The following TASP1 variants were observed in gnomAD, a reference collection of about 807,000 sequenced individuals.
TASP1 encodes the protein taspase 1, also known as threonine aspartase 1.
Under a neutral mutation model 56.6 loss-of-function variants are expected in TASP1, and 16 were observed. The observed-to-expected ratio is 0.28, with a 90% CI of 0.19 to 0.43. The LOEUF (loss-of-function observed/expected upper bound fraction) is 0.43, where lower values mean the gene tolerates loss of function less well. Among genes scored for constraint, TASP1 ranks in the 20% least tolerant of loss-of-function variants. TASP1 has a pLI of 1.00. For missense variants in TASP1, 393 were observed against 511.6 expected (o/e 0.77, Z 2.24); for synonymous variants, 179 against 184.2 (o/e 0.97, Z 0.23).
chr20:13,261,432 AAAAAAAAG>A, the TASP1 span, among the ~76,000 whole-genome samples: 1 of 152,042 alleles, frequency 6.6e-6, no homozygotes, highest in Non-Finnish European at 1.5e-5. Flanking sequence ...TCTCAAAAAA[AAAAAAAAG>A]AAAAAAGAAG....
chr20:13,463,222 T>C (rs2044121285), intron 11 of TASP1, among the ~76,000 whole-genome samples: 1 of 152,050 alleles, frequency 6.6e-6, no homozygotes. Context: ...CTCATATGTG[T>C]TTAATGATTT....
chr20:13,305,199 T>TAA, the TASP1 span, among the ~76,000 whole-genome samples: 38 of 137,500 alleles, frequency 2.8e-4, no homozygotes, highest in Middle Eastern at 3.7e-3. Flanking sequence ...GTTGAGTTGT[T>TAA]AAAAAAAAAA....
chr20:13,500,725 C>T (rs2043916785), intron 10 of TASP1, among the ~76,000 whole-genome samples: 3 of 151,690 alleles, frequency 2.0e-5, no homozygotes, highest in Admixed American at 2.0e-4. Flanking sequence ...AACTGAAATA[C>T]AAAGAGGAAA....
the TASP1 span, among the ~76,000 whole-genome samples, chr20:13,131,735 C>T: frequency 3.3e-5 from 5 of 152,180 alleles, no homozygotes; most frequent in Non-Finnish European, 7.4e-5. Flanking sequence ...CCCACTTTTG[C>T]TCTTGCCTTT....
chr20:13,247,960 T>C, the TASP1 span, among the ~76,000 whole-genome samples: 2 of 152,198 alleles, frequency 1.3e-5, no homozygotes, highest in African/African-American at 2.4e-5. Context: ...GTGGGTCTGA[T>C]ACAGAGGAAA....
At chr20:13,141,336 G>A in the TASP1 span, among the ~76,000 whole-genome samples, 2 of 152,116 alleles carry the variant, frequency 1.3e-5, no homozygotes, top group Non-Finnish European at 2.9e-5. Flanking sequence ...CTTCTCTAGG[G>A]AAGAGGGAAT....
intron 6 of TASP1, among the ~76,000 whole-genome samples, chr20:13,576,349 GAAA>G (rs2046917316): frequency 1.8e-4 from 17 of 94,134 alleles, no homozygotes; most frequent in African/African-American, 7.0e-4. Flanking sequence ...AAGGAAGAAA[GAAA>G]GAAAGAAAGA....
At chr20:13,590,050 G>A (rs2047462797) in intron 4 of TASP1, among the ~76,000 whole-genome samples, 1 of 152,062 alleles carries the variant, frequency 6.6e-6, no homozygotes, top group African/African-American at 2.4e-5. Flanking sequence ...TGGCCAACAT[G>A]GTGAGAACCT....
the TASP1 span, among the ~76,000 whole-genome samples, chr20:13,180,589 A>G: frequency 4.6e-5 from 7 of 152,156 alleles, no homozygotes; most frequent in African/African-American, 1.7e-4. Flanking sequence ...GCTTCTTACC[A>G]TCATTTTTGA....
At chr20:13,328,907 A>G in the TASP1 span, among the ~76,000 whole-genome samples, 1 of 152,308 alleles carries the variant, frequency 6.6e-6, no homozygotes, top group Non-Finnish European at 1.5e-5. Flanking sequence ...GCAAACATTT[A>G]CCTATGTAAC....
intron 10 of TASP1, among the ~76,000 whole-genome samples, chr20:13,520,025 G>C (rs1218328602): frequency 6.6e-6 from 1 of 152,168 alleles, no homozygotes; most frequent in Non-Finnish European, 1.5e-5. Flanking sequence ...ATTCACAATT[G>C]CTTCAAAGAG....
the TASP1 span, chr20:13,165,003 AGAC>A: frequency 4.6e-6 from 3 of 645,310 alleles, no homozygotes; most frequent in Non-Finnish European, 7.9e-6. Context: ...GAACTGAGGG[AGAC>A]GTTGTTGTTT....
intron 1 of TASP1, among the ~76,000 whole-genome samples, chr20:13,637,669 G>T (rs1159077523): frequency 1.3e-5 from 2 of 152,296 alleles, no homozygotes; most frequent in Non-Finnish European, 2.9e-5. Context: ...TATATGAAAT[G>T]CCAGTATAGG....
chr20:13,151,438 G>A, the TASP1 span, among the ~76,000 whole-genome samples: 3 of 152,232 alleles, frequency 2.0e-5, no homozygotes, highest in Non-Finnish European at 4.4e-5. Flanking sequence ...GGGCTGAGAT[G>A]TCAGCATCCC....
chr20:13,109,636 A>G, the TASP1 span, among the ~76,000 whole-genome samples: 1 of 152,194 alleles, frequency 6.6e-6, no homozygotes, highest in South Asian at 2.1e-4. Context: ...AAGTTTTGAA[A>G]CTTCTAAGAC....
intron 11 of TASP1, among the ~76,000 whole-genome samples, chr20:13,440,616 T>C (rs1048784296): frequency 6.6e-5 from 10 of 151,674 alleles, no homozygotes; most frequent in African/African-American, 2.2e-4. Flanking sequence ...GGAATCACAG[T>C]ATACTATGTA....
chr20:13,361,708 C>T, the TASP1 span, among the ~76,000 whole-genome samples: 1 of 152,130 alleles, frequency 6.6e-6, no homozygotes, highest in Non-Finnish European at 1.5e-5. Context: ...TACTCCTATT[C>T]ACCTTTCTCA....
intron 11 of TASP1, among the ~76,000 whole-genome samples, chr20:13,461,787 C>T (rs928689075): frequency 2.0e-5 from 3 of 152,156 alleles, no homozygotes; most frequent in African/African-American, 7.2e-5. Flanking sequence ...GCCTTAATCA[C>T]CAATTCTCCC....
the TASP1 span, among the ~76,000 whole-genome samples, chr20:13,363,898 T>C: frequency 1.3e-5 from 2 of 152,166 alleles, no homozygotes; most frequent in Non-Finnish European, 2.9e-5. Context: ...TTAAGGAATT[T>C]TGGGGGTGAT....
Sources: gnomAD v4.1 joint callset for allele counts (sites outside exome capture counted in the v4.1 genomes callset) on GRCh38, gnomAD v4.1.1 for gene constraint, MANE v1.5 for transcripts, NCBI Gene and HGNC (gene_info 2026-07-23, HGNC 2026-07-21) for gene names.